The following THOC1 variants were observed in gnomAD, a reference collection of about 807,000 sequenced individuals.
THOC1 encodes THO complex 1.
Under a neutral mutation model 97.3 loss-of-function variants are expected in THOC1, and 29 were observed. The observed-to-expected ratio is 0.30, with a 90% CI of 0.22 to 0.41. The LOEUF (loss-of-function observed/expected upper bound fraction) is 0.41, where lower values mean the gene tolerates loss of function less well. Ranked by LOEUF, THOC1 falls within the 10% of genes least tolerant of loss-of-function variation. THOC1 has a pLI of 1.00. For missense variants in THOC1, 529 were observed against 761.9 expected (o/e 0.69, Z 3.60); for synonymous variants, 255 against 257.0 (o/e 0.99, Z 0.07).
intron 20 of THOC1, 146 bp from the exon 21 acceptor site, chr18:215,067 G>A (rs1910824732): frequency 1.4e-6 from 1 of 729,606 alleles, no homozygotes; most frequent in Non-Finnish European, 2.2e-6. Flanking sequence ...TCCGTAAGTT[G>A]AATACCACTC....
At chr18:267,938 G>A (rs1912833982) in intron 1 of THOC1, 28 bp downstream of exon 1, 1 of 1,605,412 alleles carries the variant, frequency 6.2e-7, no homozygotes, top group Non-Finnish European at 8.5e-7. Flanking sequence ...CGCCGGGTCA[G>A]GCCTGCACCC....
chr18:253,077 A>C (rs1334202437), intron 8 of THOC1, among the ~76,000 whole-genome samples: 1 of 152,216 alleles, frequency 6.6e-6, no homozygotes, highest in Non-Finnish European at 1.5e-5. Context: ...AAATATATAC[A>C]TCAATTAAGC....
rs201804985 is a variant in THOC1, at chr18:266,974, CTGTG to C, written c.54+988_54+991del. On this transcript the variant is annotated intron_variant, in intron 1 of 20. Coordinates refer to ENST00000261600, the MANE Select transcript of THOC1 (RefSeq NM_005131.3). ...TAATCCATTTAAAAAAAACCTCACA[CTGTG>C]TGTGTGTGTATATATATATTATACG... 6.8e-4 allele frequency among the ~76,000 whole-genome samples: 102 copies of C among 149,520 alleles called. 1 individual carries two copies. The South Asian group carries it at 7.7e-3, about 11-fold the overall frequency.
chr18:266,688 C>T (rs1332973588), intron 1 of THOC1, among the ~76,000 whole-genome samples: 4 of 152,148 alleles, frequency 2.6e-5, no homozygotes, highest in Non-Finnish European at 4.4e-5. Context: ...CAGCGCCCAC[C>T]ACCACGCCTG....
intron 17 of THOC1, among the ~76,000 whole-genome samples, chr18:220,703 T>C (rs1394911387): frequency 1.3e-5 from 2 of 152,242 alleles, no homozygotes; most frequent in African/African-American, 2.4e-5. Flanking sequence ...AATCTGACTA[T>C]TCATTTGTAC....
In THOC1 at chr18:259,244, A is replaced by G. The variant is rs763373877; in HGVS notation, c.456T>C (p.Asn152=). The change falls in exon 7 of 21, where the codon AAT becomes AAC. Residue 152 remains asparagine (N), a synonymous_variant. Coordinates refer to ENST00000261600, the MANE Select transcript of THOC1 (RefSeq NM_005131.3). Reference sequence around the variant, plus strand: ...GCTGAATCCGTCCACAGAAGACTGTATTCTGGGATTTAGACAATCTTCTTA... The same window carrying G: ...GCTGAATCCGTCCACAGAAGACTGTGTTCTGGGATTTAGACAATCTTCTTA... ...DLLRRLSKSQ[N]TVFCGRIQLF... 3 of 1,612,086 alleles carry G rather than the reference A, an allele frequency of 1.9e-6. No individual in the cohort carries two copies. The Admixed American group carries it at 5.0e-5, about 27-fold the overall frequency.
intron 17 of THOC1, among the ~76,000 whole-genome samples, chr18:219,914 T>C (rs1911019702): frequency 1.3e-5 from 2 of 152,208 alleles, no homozygotes; most frequent in African/African-American, 2.4e-5. Context: ...GGTAGCATGG[T>C]TGATTTTTAA....
At chr18:219,070 G>C (rs1391773807) in intron 17 of THOC1, 101 bp from the exon 18 acceptor site, 1 of 335,070 alleles carries the variant, frequency 3.0e-6, no homozygotes, top group Non-Finnish European at 4.7e-6. Flanking sequence ...TGTTCCCTGA[G>C]CAGTACAAAA....
chr18:225,533 T>A, intron 12 of THOC1, 130 bp from the exon 13 acceptor site: 1 of 709,480 alleles, frequency 1.4e-6, no homozygotes, highest in Non-Finnish European at 2.3e-6. Flanking sequence ...AAGACAAGAA[T>A]AATCACAAAT....
At position 268,027 on chromosome 18, in the gene THOC1, G is replaced by A; in HGVS notation, c.-8C>T. The A allele has an allele frequency of 6.3e-7, 1 of 1,577,642 alleles. No homozygotes were observed. The highest frequency in any genetic ancestry group is 1.1e-5 in the South Asian group (1 of 87,256). On this transcript the variant is annotated 5_prime_UTR_variant, in exon 1 of 21. Coordinates refer to ENST00000261600, the MANE Select transcript of THOC1 (RefSeq NM_005131.3). ...CGGCGGCGTCGGAGACATCTTCTCG[G>A]CTGCGCGTGCCCGCCACTGCGCTGC... is the stretch of plus-strand genomic sequence containing the variant.
rs1460772924 is a variant in THOC1, at chr18:218,953, A to G, written c.1387T>C (p.Leu463=). 6.2e-7 allele frequency: 1 copy of G among 1,604,374 alleles called. No homozygotes were observed. The highest frequency in any genetic ancestry group is 1.7e-5 in the Admixed American group (1 of 58,908). Residue 463 remains leucine, a synonymous_variant, in exon 18 of 21, where the codon TTG becomes CTG. Transcript: ENST00000261600. ...ATGGCTTCTTCAAAGAATTCCTCCA[A>G]AGTGGGCATGTGTTCCCTGAGCGGT... ...KSETREHMPT[L]EEFFEEAIEQ...
At chr18:221,294 TGGTA>T in intron 17 of THOC1, among the ~76,000 whole-genome samples, 1 of 152,262 alleles carries the variant, frequency 6.6e-6, no homozygotes, top group East Asian at 1.9e-4. Flanking sequence ...TCCTACTAGA[TGGTA>T]GGTTTTCTGG....
At chr18:250,149 T>C (rs983297107) in intron 9 of THOC1, among the ~76,000 whole-genome samples, 2 of 152,246 alleles carry the variant, frequency 1.3e-5, no homozygotes, top group African/African-American at 4.8e-5. Context: ...GAATAAATTT[T>C]GAAGTAGTGT....
intron 1 of THOC1, 81 bp from the exon 2 acceptor site, chr18:265,611 T>A: frequency 1.8e-6 from 2 of 1,120,554 alleles, no homozygotes; most frequent in Non-Finnish European, 2.5e-6. Context: ...ATTGATAGTG[T>A]ATCTTACTAA....
intron 12 of THOC1, chr18:225,828 C>G (rs1911263631): frequency 6.4e-6 from 1 of 157,376 alleles, no homozygotes; most frequent in Non-Finnish European, 1.4e-5. Flanking sequence ...ACAGGCAAAC[C>G]CAAATTGTTA....
intron 12 of THOC1, chr18:226,161 A>C (rs1214542792): frequency 6.6e-6 from 1 of 152,298 alleles, no homozygotes; most frequent in Non-Finnish European, 1.5e-5. Context: ...AGTCTGAAAG[A>C]GCTGCACTGC....
rs181413908 is a variant in THOC1 at position 237,252 on chromosome 18, C to T, written c.918+9072G>A. ...GTGGCTTACTACAACCTCTGCCTCC[C>T]GGGTTCAAGCAATTCTGCCTCAGCC... is the stretch of plus-strand genomic sequence containing the variant. On this transcript the variant is annotated intron_variant, in intron 11 of 20. Coordinates refer to ENST00000261600, the MANE Select transcript of THOC1 (RefSeq NM_005131.3). 4.6e-5 allele frequency among the ~76,000 whole-genome samples: 7 copies of T among 151,470 alleles called. No individual in the cohort carries two copies. The East Asian group carries it at 7.8e-4, about 17-fold the overall frequency.
chr18:238,635 T>G (rs932526297), intron 11 of THOC1, among the ~76,000 whole-genome samples: 4 of 152,104 alleles, frequency 2.6e-5, no homozygotes, highest in African/African-American at 7.2e-5. Context: ...AAAGGCAAAG[T>G]AAAAACACAG....
intron 7 of THOC1, among the ~76,000 whole-genome samples, 198 bp downstream of exon 7, chr18:258,982 A>G (rs1240926700): frequency 1.3e-5 from 2 of 152,148 alleles, no homozygotes; most frequent in Non-Finnish European, 2.9e-5. Context: ...AAAAGAATCC[A>G]TGACTTTGTT....
Sources: gnomAD v4.1 joint callset for allele counts (sites outside exome capture counted in the v4.1 genomes callset) on GRCh38, gnomAD v4.1.1 for gene constraint, MANE v1.5 for transcripts, NCBI Gene and HGNC (gene_info 2026-07-23, HGNC 2026-07-21) for gene names.